Variants in SCN9A observed in about 807,000 individuals in gnomAD.
The protein encoded by SCN9A is sodium voltage-gated channel alpha subunit 9.
SCN9A carries 131 observed loss-of-function variants against 187.0 expected under a neutral mutation model. The observed-to-expected ratio is 0.70, with a 90% CI of 0.61 to 0.81. The LOEUF (loss-of-function observed/expected upper bound fraction) is 0.81, where lower values mean the gene tolerates loss of function less well. Ranked by LOEUF, SCN9A falls within the 30% of genes least tolerant of loss-of-function variation. The pLI is 0.00. For missense variants in SCN9A, 2,252 were observed against 2,396.6 expected (o/e 0.94, Z 1.26); for synonymous variants, 809 against 808.6 (o/e 1.00, Z -0.01).
intron 9 of SCN9A, among the ~76,000 whole-genome samples, chr2:166,291,482 G>A (rs977498447): frequency 6.6e-6 from 1 of 152,208 alleles, no homozygotes; most frequent in South Asian, 2.1e-4. Context: ...TCAATGTCAT[G>A]TAAATGGCCA....
intron 1 of SCN9A, among the ~76,000 whole-genome samples, chr2:166,338,270 C>T (rs1370954641): frequency 6.6e-6 from 1 of 152,112 alleles, no homozygotes; most frequent in Non-Finnish European, 1.5e-5. Context: ...AAGGGACATG[C>T]CCACTTACAG....
In SCN9A at chr2:166,294,602, G is replaced by A. The variant is rs1180358842; in HGVS notation, c.962C>T (p.Ser321Leu). 5 of 1,607,732 alleles carry A rather than the reference G, an allele frequency of 3.1e-6. No homozygotes were observed. The highest frequency in any genetic ancestry group is 2.6e-6 in the Non-Finnish European group (3 of 1,175,356). Reference protein sequence around the residue: ...DALLCGFSTDSGQCPEGYTCV... With the variant: ...DALLCGFSTDLGQCPEGYTCV... ...AAAGAAAACAAATATTACATACCCT[G>A]AATCTGTGCTGAAACCACAAAGGAG... The change falls in exon 8 of 27, where the codon TCA becomes TTA. Residue 321 changes from serine (S) to leucine (L), a missense_variant. Around this residue, in one of 7 missense-constraint regions of SCN9A, gnomAD observed 1,013 missense variants for 997.4 expected, o/e 1.02. Coordinates refer to ENST00000642356, the MANE Select transcript of SCN9A (RefSeq NM_001365536.1).
intron 11 of SCN9A, among the ~76,000 whole-genome samples, chr2:166,286,029 G>A (rs963468718): frequency 6.6e-6 from 1 of 152,076 alleles, no homozygotes; most frequent in South Asian, 2.1e-4. Flanking sequence ...AAATATAAAA[G>A]TTATTCTATA....
intron 1 of SCN9A, among the ~76,000 whole-genome samples, chr2:166,358,248 T>C (rs1366175756): frequency 1.3e-5 from 2 of 151,850 alleles, no homozygotes. Flanking sequence ...TTTTGTACCT[T>C]TAGTAGAGAC....
chr2:166,265,066 G>T (rs1696673048), intron 17 of SCN9A, among the ~76,000 whole-genome samples: 1 of 151,994 alleles, frequency 6.6e-6, no homozygotes, highest in South Asian at 2.1e-4. Context: ...TCTTTGTGAG[G>T]AGACCATTTA....
intron 18 of SCN9A, among the ~76,000 whole-genome samples, chr2:166,247,072 T>C (rs1432677552): frequency 6.6e-6 from 1 of 151,056 alleles, no homozygotes; most frequent in Non-Finnish European, 1.5e-5. Context: ...TAAATGCTAT[T>C]TCTTTTGGGT....
At chr2:166,311,939 T>C in intron 1 of SCN9A, 133 bp from the exon 2 acceptor site, 1 of 506,082 alleles carries the variant, frequency 2.0e-6, no homozygotes, top group Non-Finnish European at 3.3e-6. Context: ...ATTATCAGCT[T>C]GTTAAGGGAT....
chr2:166,270,450 C>T (rs572753047), intron 17 of SCN9A, among the ~76,000 whole-genome samples: 4 of 151,074 alleles, frequency 2.6e-5, no homozygotes, highest in South Asian at 2.1e-4. Context: ...CCATAGATAT[C>T]GAGGGATGAC....
At position 166,204,362 on chromosome 2, in the gene SCN9A, C is replaced by G; in HGVS notation, c.4501G>C (p.Gly1501Arg). ...TAAAGATATATATATTTTTTTACCC[C>G]TGGTCGAGGAATTGGCTTTTGTGGC... ...KKPQKPIPRP[G>R]NKIQGCIFDL... The change falls in exon 25 of 27, where the codon GGG becomes CGG. Residue 1501 changes from glycine (G) to arginine (R), a missense_variant and splice_region_variant. Physicochemically the swap from Gly to Arg is moderately radical, Grantham distance 125. Transcript: ENST00000642356. 5.0e-6 allele frequency: 8 copies of G among 1,604,076 alleles called. No individual in the cohort carries two copies. The highest frequency in any genetic ancestry group is 6.8e-6 in the Non-Finnish European group (8 of 1,173,450).
intron 1 of SCN9A, among the ~76,000 whole-genome samples, chr2:166,341,983 CA>C (rs1339361260): frequency 6.6e-6 from 1 of 152,090 alleles, no homozygotes; most frequent in Non-Finnish European, 1.5e-5. Flanking sequence ...AGAATAATGT[CA>C]ATACATAGGG....
rs199583108 is a variant in SCN9A at position 166,272,541 on chromosome 2, A to G, written c.3209T>C (p.Leu1070Ser). The G allele has an allele frequency of 3.3e-5, 54 of 1,613,306 alleles. No individual in the cohort carries two copies. The highest frequency in any genetic ancestry group is 4.5e-5 in the Non-Finnish European group (53 of 1,179,716). The change falls in exon 17 of 27, where the codon TTG (leucine) becomes TCG (serine). Residue 1070 changes from leucine to serine, a missense_variant. By Grantham distance (145) the Leu-to-Ser change is moderately radical. Around this residue, in one of 7 missense-constraint regions of SCN9A, gnomAD observed 313 missense variants for 295.3 expected, o/e 1.06. Coordinates refer to ENST00000642356, the MANE Select transcript of SCN9A (RefSeq NM_001365536.1). ...SGFGSSVDKH[L>S]MEDSDGQSFI... The stretch of plus-strand genomic sequence containing the variant: ...TGATTGACCATCACTGTCTTCCATC[A>G]AGTGTTTGTCCACGCTGCTTCCAAA...
intron 26 of SCN9A, among the ~76,000 whole-genome samples, chr2:166,201,565 C>T (rs1343252861): frequency 5.6e-5 from 1 of 17,820 alleles, no homozygotes; most frequent in Non-Finnish European, 9.6e-5. Flanking sequence ...ATAGAGTATG[C>T]GTATACTATA....
At position 166,276,971 on chromosome 2, in the gene SCN9A, C is replaced by G. The variant is rs201188263; in HGVS notation, c.2874+12G>C. ...CAGAGAAATTAAAATGCATGAACATCTGGTTACATACCACCAGGTTTCCAA... is the reference window on the plus strand; with the variant it reads ...CAGAGAAATTAAAATGCATGAACATGTGGTTACATACCACCAGGTTTCCAA... On this transcript the variant is annotated intron_variant, in intron 16 of 26. Coordinates refer to ENST00000642356, the MANE Select transcript of SCN9A (RefSeq NM_001365536.1). The G allele has an allele frequency of 1.3e-6, 2 of 1,569,296 alleles. No individual in the cohort carries two copies. Among genetic ancestry groups the G allele is most frequent in the Non-Finnish European group, 1.7e-6 (2 of 1,165,594 alleles).
At chr2:166,306,283 T>G (rs1374523144) in intron 4 of SCN9A, among the ~76,000 whole-genome samples, 1 of 152,114 alleles carries the variant, frequency 6.6e-6, no homozygotes, top group Non-Finnish European at 1.5e-5. Context: ...AAGAACAGGA[T>G]GGAGCATCTG....
intron 10 of SCN9A, among the ~76,000 whole-genome samples, chr2:166,286,906 G>A (rs762585280): frequency 6.6e-6 from 1 of 152,086 alleles, no homozygotes; most frequent in Non-Finnish European, 1.5e-5. Context: ...ATATGTTAAA[G>A]TTTTACAAGG....
chr2:166,254,159 T>G (rs1025972723), intron 17 of SCN9A, among the ~76,000 whole-genome samples: 5 of 151,762 alleles, frequency 3.3e-5, no homozygotes, highest in African/African-American at 1.2e-4. Flanking sequence ...GAATTTTACA[T>G]CATAAAGTTA....
At position 166,272,407 on chromosome 2, in the gene SCN9A, TG is replaced by T. The variant is rs771426562; in HGVS notation, c.3342del (p.Tyr1114Ter). 1.9e-6 allele frequency: 3 copies of T among 1,576,130 alleles called. No homozygotes were observed. In the South Asian group the frequency reaches 3.5e-5, roughly 18 times the overall value. On this transcript the variant is annotated frameshift_variant, in exon 17 of 27. Coordinates refer to ENST00000642356, the MANE Select transcript of SCN9A (RefSeq NM_001365536.1). LOFTEE classifies it high-confidence loss of function. ...ATATGAAGCATTCTTACCACTTTGCTGTATTCACTATCCGAATCACTGCTAA... is the reference window on the plus strand; with the variant it reads ...ATATGAAGCATTCTTACCACTTTGCTTATTCACTATCCGAATCACTGCTAA... The part of the protein sequence containing the change: ...EELSSDSDSE[Y>X]SKVRLNRSSS...
rs1274327096 is a variant in SCN9A, at chr2:166,305,875, G to T, written c.513C>A (p.Ile171=). 6.2e-7 allele frequency: 1 copy of T among 1,613,106 alleles called. No individual in the cohort carries two copies. Residue 171 remains isoleucine (I), a synonymous_variant, in exon 5 of 27, where the codon ATC becomes ATA. Transcript: ENST00000642356. ...CTCCTACACAGAAGCCTCTTGCAAGGATTTTTACAAGTGATTCAAAAGTAT... is the reference window on the plus strand; with the variant it reads ...CTCCTACACAGAAGCCTCTTGCAAGTATTTTTACAAGTGATTCAAAAGTAT... The part of the protein sequence containing the change: ...GIYTFESLVK[I]LARGFCVGEF...
At chr2:166,268,790 C>A (rs1300497973) in intron 17 of SCN9A, among the ~76,000 whole-genome samples, 1 of 151,780 alleles carries the variant, frequency 6.6e-6, no homozygotes, top group East Asian at 1.9e-4. Context: ...TTTGTCTATA[C>A]TTAATATGAC....
Sources: allele counts gnomAD v4.1 joint callset (sites outside exome capture counted in the v4.1 genomes callset), GRCh38; gene constraint gnomAD v4.1.1; regional missense constraint gnomAD v4.1.1; transcripts MANE v1.5; gene names NCBI Gene and HGNC (gene_info 2026-07-23, HGNC 2026-07-21).